Variants in ZNF749 observed in about 807,000 individuals in gnomAD.
The protein encoded by ZNF749 is zinc finger protein 749.
In ZNF749, 8 loss-of-function variants were observed where a neutral mutation model predicts 7.3. The ratio of observed to expected loss-of-function variants is 1.10; its 90% CI spans 0.64 to 1.98. The LOEUF (loss-of-function observed/expected upper bound fraction) is 1.98, where lower values mean the gene tolerates loss of function less well. Ranked by LOEUF, ZNF749 falls within the 30% of genes most tolerant of loss-of-function variation. ZNF749 has a pLI of 0.00. For missense variants in ZNF749, 898 were observed against 932.4 expected (o/e 0.96, Z 0.48); for synonymous variants, 310 against 322.4 (o/e 0.96, Z 0.41).
intron 1 of ZNF749, 190 bp downstream of exon 1, chr19:57,435,783 T>TG: frequency 8.4e-7 from 1 of 1,186,644 alleles, no homozygotes; most frequent in Non-Finnish European, 1.1e-6. Flanking sequence ...CTCTGGGGCT[T>TG]GGAGGCACTG....
Position 57,436,657 on chromosome 19 carries a change from G to A in ZNF749, c.15+1064G>A, listed in dbSNP as rs183810984. Among the ~76,000 whole-genome samples, 7 of 152,324 alleles carry A rather than the reference G, an allele frequency of 4.6e-5. No homozygotes were observed. The highest frequency in any genetic ancestry group is 2.6e-4 in the Admixed American group (4 of 15,304). Reference sequence around the variant, plus strand: ...CAAGATAAGGCCATGCAGCAACTGGGTCCAAAACTGGGCAGGGCTTTCTCA... The same window carrying A: ...CAAGATAAGGCCATGCAGCAACTGGATCCAAAACTGGGCAGGGCTTTCTCA... On this transcript the variant is annotated intron_variant, in intron 1 of 2. Transcript: ENST00000334181. The surrounding 1 kb of genome is among the most constrained non-coding windows in gnomAD (Gnocchi z 4.0).
chr19:57,445,490 G>C lies in ZNF749; in HGVS notation c.*5G>C. ...CATACTGGAAAAAGGCCTTAGTGGA[G>C]TGAATGCAGGAAAGTCACCAAAACT... On this transcript the variant is annotated 3_prime_UTR_variant, in exon 3 of 3. Coordinates refer to ENST00000334181, the MANE Select transcript of ZNF749 (RefSeq NM_001023561.4). 16 of 1,595,908 alleles carry C rather than the reference G, an allele frequency of 1.0e-5. No homozygotes were observed. The highest frequency in any genetic ancestry group is 1.3e-5 in the Non-Finnish European group (15 of 1,170,854).
At position 57,441,894 on chromosome 19, in the gene ZNF749, G is replaced by T. The variant is rs61736005; in HGVS notation, c.25G>T (p.Val9Phe). MNLTEDCM[V>F]FEDVAIYFSQ... ...GTCATAATTTTGGCAGGATTGTATG[G>T]TCTTTGAGGATGTGGCCATATATTT... Residue 9 changes from valine to phenylalanine, a missense_variant, in exon 2 of 3, where the codon GTC (valine) becomes TTC (phenylalanine). Val to Phe is a conservative substitution (Grantham distance 50). Coordinates refer to ENST00000334181, the MANE Select transcript of ZNF749 (RefSeq NM_001023561.4). 6.2e-7 allele frequency: 1 copy of T among 1,614,168 alleles called. No individual in the cohort carries two copies. Among genetic ancestry groups the T allele is most frequent in the Non-Finnish European group, 8.5e-7 (1 of 1,180,012 alleles).
upstream of ZNF749, among the ~76,000 whole-genome samples, chr19:57,433,676 A>G: frequency 6.6e-6 from 1 of 151,654 alleles, no homozygotes; most frequent in East Asian, 1.9e-4. Flanking sequence ...TGGCCAAAAA[A>G]TAGCCCTTTC....
upstream of ZNF749, among the ~76,000 whole-genome samples, chr19:57,432,113 A>G (rs1401032401): frequency 1.3e-5 from 2 of 151,890 alleles, no homozygotes; most frequent in Non-Finnish European, 2.9e-5. Context: ...GATTACAGGC[A>G]TGAGCCACCG....
rs1459245956 is a variant in ZNF749, at chr19:57,446,174, G to C, written c.*689G>C. On this transcript the variant is annotated 3_prime_UTR_variant, in exon 3 of 3. Coordinates refer to ENST00000334181, the MANE Select transcript of ZNF749 (RefSeq NM_001023561.4). ...AGGAACCGGGCCAGCATCACTACCT[G>C]AGCTTCACCTCCTGTCAGATGAGCA... Among the ~76,000 whole-genome samples the C allele has an allele frequency of 6.6e-6, 1 of 152,158 alleles. No homozygotes were observed. The highest frequency in any genetic ancestry group is 1.5e-5 in the Non-Finnish European group (1 of 68,034).
At chr19:57,438,822 G>A (rs917350984) in intron 1 of ZNF749, among the ~76,000 whole-genome samples, 1 of 152,188 alleles carries the variant, frequency 6.6e-6, no homozygotes, top group Admixed American at 6.5e-5. Flanking sequence ...TTATAGAGTG[G>A]TCCTAGTTCC....
Position 57,444,755 on chromosome 19 carries a change from C to G in ZNF749, c.1607C>G (p.Ala536Gly). 1 of 1,613,602 alleles carries G rather than the reference C, an allele frequency of 6.2e-7. No homozygotes were observed. Among genetic ancestry groups the G allele is most frequent in the Non-Finnish European group, 8.5e-7 (1 of 1,179,828 alleles). Reference sequence around the variant, plus strand: ...CAGCATGAGAAAATCCACACTGATGCATTTTCAAAAAGGTCTGACCTCATT... The same window carrying G: ...CAGCATGAGAAAATCCACACTGATGGATTTTCAAAAAGGTCTGACCTCATT... ...LVQHEKIHTD[A>G]FSKRSDLIQH... Residue 536 changes from alanine to glycine, a missense_variant, in exon 3 of 3, where the codon GCA (alanine) becomes GGA (glycine). Transcript: ENST00000334181.
Position 57,435,537 on chromosome 19 carries a change from C to T in ZNF749, c.-42C>T. The T allele has an allele frequency of 6.3e-7, 1 of 1,592,598 alleles. No individual in the cohort carries two copies. Among genetic ancestry groups the T allele is most frequent in the Non-Finnish European group, 8.5e-7 (1 of 1,171,596 alleles). ...GTCAGCGTCCAGGTGACCGCCGTTC[C>T]CGCCCCGCTCTTCCCTGGGTGGACT... is the stretch of plus-strand genomic sequence containing the variant. On this transcript the variant is annotated 5_prime_UTR_variant, in exon 1 of 3. Transcript: ENST00000334181.
upstream of ZNF749, among the ~76,000 whole-genome samples, chr19:57,432,592 G>GT (rs1391020137): frequency 6.8e-6 from 1 of 146,356 alleles, no homozygotes; most frequent in Non-Finnish European, 1.5e-5. Context: ...AAAGGTGGGG[G>GT]GGACTAAACA....
chr19:57,435,779 G>A, intron 1 of ZNF749, 186 bp downstream of exon 1: 2 of 1,208,466 alleles, frequency 1.7e-6, no homozygotes, highest in Non-Finnish European at 2.2e-6. Context: ...ACGTCTCTGG[G>A]GCTTGGAGGC....
rs147053496 is a variant in ZNF749, at chr19:57,444,600, A to G, written c.1452A>G (p.Thr484=). Residue 484 remains threonine (T), a synonymous_variant, in exon 3 of 3, where the codon ACA becomes ACG. Coordinates refer to ENST00000334181, the MANE Select transcript of ZNF749 (RefSeq NM_001023561.4). The part of the protein sequence containing the change: ...KRIDIRPRPY[T]CSECGKAFLT... Reference sequence around the variant, plus strand: ...TTGACATTAGGCCAAGGCCTTATACATGCAGTGAATGTGGGAAGGCCTTCC... The same window carrying G: ...TTGACATTAGGCCAAGGCCTTATACGTGCAGTGAATGTGGGAAGGCCTTCC... 7.8e-4 allele frequency: 1,249 copies of G among 1,611,198 alleles called. 10 individuals carry two copies. The African/African-American group carries it at 0.014, about 18-fold the overall frequency.
rs1421252622 is a variant in ZNF749 at position 57,447,003 on chromosome 19, C to T, written c.*1518C>T. On this transcript the variant is annotated 3_prime_UTR_variant, in exon 3 of 3. Transcript: ENST00000334181. Reference sequence around the variant, plus strand: ...TGTGAGTGAATGTGAAGCTCTAGGACATTACTGTACCCTATTGTAGATGTT... The same window carrying T: ...TGTGAGTGAATGTGAAGCTCTAGGATATTACTGTACCCTATTGTAGATGTT... Among the ~76,000 whole-genome samples the T allele has an allele frequency of 1.3e-5, 2 of 152,118 alleles. No individual in the cohort carries two copies. The highest frequency in any genetic ancestry group is 6.6e-5 in the Admixed American group (1 of 15,266).
At position 57,444,043 on chromosome 19, in the gene ZNF749, G is replaced by A; in HGVS notation, c.895G>A (p.Glu299Lys). The A allele has an allele frequency of 1.2e-6, 2 of 1,613,958 alleles. No individual in the cohort carries two copies. The highest frequency in any genetic ancestry group is 1.7e-6 in the Non-Finnish European group (2 of 1,179,890). ...QEILSRPTPYECTQCGKAFLT... is the reference protein window; with the variant it reads ...QEILSRPTPYKCTQCGKAFLT... ...GATTCTCAGTAGACCAACACCTTAT[G>A]AATGCACCCAGTGTGGGAAGGCCTT... The change falls in exon 3 of 3, where the codon GAA (glutamate) becomes AAA (lysine). Residue 299 changes from glutamate (E) to lysine (K), a missense_variant. Glu to Lys is a moderately conservative substitution (Grantham distance 56, BLOSUM62 1). Transcript: ENST00000334181.
At chr19:57,428,979 T>C in the ZNF749 span, among the ~76,000 whole-genome samples, 43,223 of 152,082 alleles carry the variant, frequency 0.28, 6,518 homozygotes, top group African/African-American at 0.34. Flanking sequence ...TGAATAATAT[T>C]CCATTGTATA....
the ZNF749 span, among the ~76,000 whole-genome samples, chr19:57,429,413 C>CT: frequency 6.6e-6 from 1 of 152,134 alleles, no homozygotes; most frequent in Non-Finnish European, 1.5e-5. This position sits in a 1 kb window ranked among gnomAD's most constrained non-coding sequence, Gnocchi z 4.2. Flanking sequence ...ACTTTAATTT[C>CT]TTTTTGTATA....
At chr19:57,430,280 G>A in the ZNF749 span, among the ~76,000 whole-genome samples, 1 of 152,272 alleles carries the variant, frequency 6.6e-6, no homozygotes, top group Admixed American at 6.5e-5. Context: ...CATGACAGAA[G>A]CCATCAAATG....
At chr19:57,430,359 A>G (rs1359380677), upstream of ZNF749, among the ~76,000 whole-genome samples, 1 of 152,230 alleles carries the variant, frequency 6.6e-6, no homozygotes, top group Non-Finnish European at 1.5e-5. Context: ...TAGTCCACCT[A>G]TGAGGGTGGA....
chr19:57,430,868 C>G (rs577356261), upstream of ZNF749, among the ~76,000 whole-genome samples: 2 of 151,798 alleles, frequency 1.3e-5, no homozygotes, highest in Non-Finnish European at 2.9e-5. Flanking sequence ...GGTGAAACCC[C>G]GTCTTTACTA....
Sources: gnomAD v4.1 joint callset for allele counts (sites outside exome capture counted in the v4.1 genomes callset) on GRCh38, gnomAD v4.1.1 for gene constraint, Gnocchi (gnomAD v3.1) non-coding constraint, MANE v1.5 for transcripts, NCBI Gene and HGNC (gene_info 2026-07-23, HGNC 2026-07-21) for gene names.